PTPRO: variants seen among roughly 807,000 people sequenced by gnomAD.
PTPRO encodes receptor-type tyrosine-protein phosphatase O.
A neutral mutation model predicts 145.2 loss-of-function variants in PTPRO; 62 were observed. The ratio of observed to expected loss-of-function variants is 0.43; its 90% CI spans 0.35 to 0.53. PTPRO has a LOEUF of 0.53. PTPRO is among the 20% of genes least tolerant of loss of function. The pLI, the probability that PTPRO is intolerant of heterozygous loss-of-function variation, is 0.01. For synonymous variants in PTPRO, 565 were observed against 514.7 expected (o/e 1.10, Z -1.32); for missense variants, 1,345 against 1,482.7 (o/e 0.91, Z 1.53).
intron 19 of PTPRO, among the ~76,000 whole-genome samples, chr12:15,575,627 G>A (rs1197891947): frequency 6.6e-6 from 1 of 152,204 alleles, no homozygotes; most frequent in African/African-American, 2.4e-5. Context: ...CCAACAAAAC[G>A]TAGCCTGCTA....
intron 1 of PTPRO, among the ~76,000 whole-genome samples, chr12:15,330,254 A>AAT (rs1866568651): frequency 6.6e-6 from 1 of 152,240 alleles, no homozygotes; most frequent in African/African-American, 2.4e-5. Context: ...AAACACTGGC[A>AAT]TTAGGGTGAC....
intron 1 of PTPRO, among the ~76,000 whole-genome samples, chr12:15,389,743 C>T (rs1375944896): frequency 6.6e-6 from 1 of 152,150 alleles, no homozygotes; most frequent in Non-Finnish European, 1.5e-5. Flanking sequence ...AAATTTTAAT[C>T]TACCCAACGA....
At chr12:15,478,433 G>T (rs1341859813) in intron 1 of PTPRO, among the ~76,000 whole-genome samples, 1 of 152,132 alleles carries the variant, frequency 6.6e-6, no homozygotes, top group Non-Finnish European at 1.5e-5. Context: ...GAATGAGCCT[G>T]GCTTAGTCAG....
chr12:15,549,747 T>C (rs1943403173), intron 14 of PTPRO, among the ~76,000 whole-genome samples: 1 of 152,216 alleles, frequency 6.6e-6, no homozygotes, highest in African/African-American at 2.4e-5. Flanking sequence ...TTGTATTACA[T>C]GTGTTACTCC....
chr12:15,457,068 CT>C (rs1383135582), intron 1 of PTPRO, among the ~76,000 whole-genome samples: 1 of 151,898 alleles, frequency 6.6e-6, no homozygotes, highest in Non-Finnish European at 1.5e-5. Context: ...TTAAGATGAC[CT>C]TTTTCCTATG....
At chr12:15,456,499 T>G (rs902119956) in intron 1 of PTPRO, among the ~76,000 whole-genome samples, 3 of 152,228 alleles carry the variant, frequency 2.0e-5, no homozygotes, top group African/African-American at 2.4e-5. Flanking sequence ...ATTTTAATAT[T>G]TGGCCTAATA....
chr12:15,501,557 G>A (rs1315505880), intron 4 of PTPRO, 63 bp from the exon 5 acceptor site: 19 of 1,438,204 alleles, frequency 1.3e-5, no homozygotes, highest in Non-Finnish European at 1.9e-5. Context: ...CTCATTAAGA[G>A]ATTAAGTATT....
At position 15,596,171 on chromosome 12, in the gene PTPRO, C is replaced by T. The variant is rs1387093847; in HGVS notation, c.*98C>T. On this transcript the variant is annotated 3_prime_UTR_variant, in exon 27 of 27. Transcript: ENST00000281171. ...TGATGGTCATTTTTCTAAACAGAGG[C>T]CCTGCTTTGTAATATGTGGCCAAGG... 1.3e-5 allele frequency: 2 copies of T among 152,574 alleles called. No homozygotes were observed. The highest frequency in any genetic ancestry group is 2.9e-5 in the Non-Finnish European group (2 of 68,048). 9.5% of individuals were successfully genotyped at this position (152,574 alleles called of 1,614,324 possible).
chr12:15,548,657 G>A (rs760263646), intron 13 of PTPRO, among the ~76,000 whole-genome samples: 47 of 151,942 alleles, frequency 3.1e-4, no homozygotes, highest in Non-Finnish European at 5.0e-4. Context: ...TTCATCAACC[G>A]GGGCTCATTA....
intron 1 of PTPRO, among the ~76,000 whole-genome samples, chr12:15,482,044 T>G (rs1286234582): frequency 2.0e-5 from 3 of 152,080 alleles, no homozygotes; most frequent in Non-Finnish European, 4.4e-5. Context: ...ATGTTGACGA[T>G]TTCTCTGCAC....
In PTPRO at chr12:15,484,241, T is replaced by C. The variant is rs772929460; in HGVS notation, c.343T>C (p.Leu115=). 9 of 1,613,250 alleles carry C rather than the reference T, an allele frequency of 5.6e-6. No homozygotes were observed. Among genetic ancestry groups the C allele is most frequent in the African/African-American group, 1.3e-5 (1 of 74,912 alleles). ...VTKPSRSITV[L]TKPLPVTSVS... ...CAAGCCATCCAGATCAATCACTGTG[T>C]TAACAAGTAAGCATCATGTGTAATA... The change falls in exon 2 of 27, where the codon TTA becomes CTA. Residue 115 remains leucine, a synonymous_variant. Transcript: ENST00000281171.
chr12:15,516,860 C>T lies in PTPRO; in HGVS notation c.1683C>T (p.Tyr561=), dbSNP rs111913342. The T allele has an allele frequency of 3.0e-5, 49 of 1,612,362 alleles. No individual in the cohort carries two copies. Among genetic ancestry groups the T allele is most frequent in the South Asian group, 2.0e-4 (18 of 91,044 alleles). ...TRPYLGVFRK[Y]VVEMFYFNPA... is the part of the protein sequence containing the mutation. ...CTTATTTAGGCGTGTTCAGAAAATA[C>T]GTGGTTGAAATGTTTTATTTCAACC... Residue 561 remains tyrosine, a synonymous_variant, in exon 9 of 27, where the codon TAC becomes TAT. Coordinates refer to ENST00000281171, the MANE Select transcript of PTPRO (RefSeq NM_030667.3).
chr12:15,360,574 A>C (rs1420515623), intron 1 of PTPRO, among the ~76,000 whole-genome samples: 1 of 151,984 alleles, frequency 6.6e-6, no homozygotes, highest in Non-Finnish European at 1.5e-5. Flanking sequence ...ACCTGAATTT[A>C]AACAGTCTGT....
intron 1 of PTPRO, among the ~76,000 whole-genome samples, chr12:15,409,375 C>T (rs1046785843): frequency 6.6e-6 from 1 of 152,082 alleles, no homozygotes; most frequent in Non-Finnish European, 1.5e-5. Flanking sequence ...ACTTAGAAAA[C>T]AGCATAAGCC....
intron 1 of PTPRO, among the ~76,000 whole-genome samples, chr12:15,480,784 C>T (rs372159308): frequency 1.1e-4 from 16 of 152,056 alleles, no homozygotes; most frequent in South Asian, 1.0e-3. Flanking sequence ...GACGGACGGA[C>T]GGACAGACAC....
intron 16 of PTPRO, 118 bp downstream of exon 16, chr12:15,557,641 G>A: frequency 2.3e-6 from 2 of 882,114 alleles, no homozygotes; most frequent in South Asian, 2.8e-5. Flanking sequence ...TAATTTCGGT[G>A]ATGGTAGACT....
At chr12:15,436,340 A>G (rs753616045) in intron 1 of PTPRO, among the ~76,000 whole-genome samples, 26 of 152,386 alleles carry the variant, frequency 1.7e-4, no homozygotes, top group Middle Eastern at 3.4e-3. Context: ...ATAAAAAGTT[A>G]AAGCAAACAC....
intron 1 of PTPRO, among the ~76,000 whole-genome samples, chr12:15,366,564 A>G (rs1938368335): frequency 6.6e-6 from 1 of 152,198 alleles, no homozygotes; most frequent in African/African-American, 2.4e-5. Flanking sequence ...TTTTAGTTAG[A>G]CAAAAGCTGT....
intron 1 of PTPRO, among the ~76,000 whole-genome samples, chr12:15,404,188 C>CAAAAAAA (rs370733389): frequency 1.0e-4 from 5 of 49,972 alleles, no homozygotes; most frequent in Admixed American, 2.6e-4. Flanking sequence ...GACCCCATCT[C>CAAAAAAA]AAAAAAAAAA....
Sources: gnomAD v4.1 joint callset for allele counts (sites outside exome capture counted in the v4.1 genomes callset) on GRCh38, gnomAD v4.1.1 for gene constraint, MANE v1.5 for transcripts, NCBI Gene and HGNC (gene_info 2026-07-23, HGNC 2026-07-21) for gene names.